EDA: variants seen among roughly 807,000 people sequenced by gnomAD.
The protein encoded by EDA is ectodysplasin A.
In EDA, 2 loss-of-function variants were observed where a neutral mutation model predicts 23.6. The observed-to-expected ratio is 0.08, with a 90% CI of 0.03 to 0.27. The LOEUF (loss-of-function observed/expected upper bound fraction) is 0.27, where lower values mean the gene tolerates loss of function less well. Among genes scored for constraint, EDA ranks in the 10% least tolerant of loss-of-function variants. The pLI is 1.00. For missense variants in EDA, 229 were observed against 324.2 expected, an observed-to-expected ratio of 0.71 and a Z score of 2.26; for synonymous variants, 131 against 132.0, an observed-to-expected ratio of 0.99 and a Z score of 0.05.
At chrX:69,846,933 T>G (rs2147569806) in intron 1 of EDA, among the ~76,000 whole-genome samples, 1 of 111,635 alleles carries the variant, frequency 9.0e-6, no homozygotes, top group African/African-American at 3.2e-5. Context: ...CTAATAAACC[T>G]TACTGCAAAA....
intron 1 of EDA, among the ~76,000 whole-genome samples, chrX:69,738,803 T>A (rs1373185217): frequency 9.1e-6 from 1 of 110,126 alleles, no homozygotes; most frequent in African/African-American, 3.3e-5. Flanking sequence ...TTTCCCAACT[T>A]TATTTCTGTT....
intron 1 of EDA, among the ~76,000 whole-genome samples, chrX:69,888,471 A>G (rs1312382273): frequency 9.2e-6 from 1 of 108,896 alleles, no homozygotes; most frequent in Middle Eastern, 4.7e-3. Context: ...ATGTATAGGG[A>G]TTAAAGTCTC....
intron 1 of EDA, among the ~76,000 whole-genome samples, chrX:69,792,667 C>T (rs1376174821): frequency 8.9e-6 from 1 of 112,258 alleles, no homozygotes; most frequent in Non-Finnish European, 1.9e-5. Flanking sequence ...GCCATTTTTG[C>T]AGGAGTAAGG....
chrX:69,960,067 A>C (rs1446988235), intron 2 of EDA, among the ~76,000 whole-genome samples: 1 of 111,482 alleles, frequency 9.0e-6, no homozygotes, highest in African/African-American at 3.3e-5. Flanking sequence ...CCACTGGAGG[A>C]TTTTGAGCAG....
chrX:69,912,758 C>A (rs865799395), intron 1 of EDA, among the ~76,000 whole-genome samples: 2 of 85,230 alleles, frequency 2.3e-5, no homozygotes, highest in Admixed American at 1.6e-4. Context: ...TAACATAATT[C>A]TTTTTCTTTT....
chrX:69,878,750 C>A (rs1392909052), intron 1 of EDA, among the ~76,000 whole-genome samples: 1 of 101,653 alleles, frequency 9.8e-6, no homozygotes, highest in Non-Finnish European at 2.0e-5. Flanking sequence ...ACACACACAC[C>A]GCAAAGAAAC....
intron 1 of EDA, among the ~76,000 whole-genome samples, chrX:69,695,215 C>T (rs1310095467): frequency 9.1e-6 from 1 of 109,452 alleles, no homozygotes; most frequent in Non-Finnish European, 1.9e-5. Context: ...AGCTACTCGG[C>T]AGGCTGAGGC....
At chrX:69,948,555 A>G (rs1833430185) in intron 1 of EDA, among the ~76,000 whole-genome samples, 1 of 111,925 alleles carries the variant, frequency 8.9e-6, no homozygotes, top group Admixed American at 9.5e-5. Context: ...GCTATGATCA[A>G]TGTTGAATGT....
At chrX:69,857,571 C>G (rs1226764219) in intron 1 of EDA, among the ~76,000 whole-genome samples, 1 of 102,088 alleles carries the variant, frequency 9.8e-6, no homozygotes, top group Non-Finnish European at 2.0e-5. Context: ...ATTGTTTTTT[C>G]TCGTTCTGTG....
At chrX:69,872,014 T>G (rs750688316) in intron 1 of EDA, among the ~76,000 whole-genome samples, 5 of 111,514 alleles carry the variant, frequency 4.5e-5, no homozygotes, top group Non-Finnish European at 9.4e-5. Flanking sequence ...TCAGGAAACT[T>G]ATAAAGGAAA....
chrX:69,945,521 G>A (rs1333588444), intron 1 of EDA, among the ~76,000 whole-genome samples: 2 of 112,189 alleles, frequency 1.8e-5, no homozygotes, highest in Non-Finnish European at 3.8e-5. Context: ...AAAGAGATTA[G>A]TATAAAGCAT....
intron 1 of EDA, among the ~76,000 whole-genome samples, chrX:69,677,515 G>A (rs1468879613): frequency 9.0e-6 from 1 of 111,115 alleles, no homozygotes; most frequent in Non-Finnish European, 1.9e-5. Flanking sequence ...TTTAATGATC[G>A]CCATTCTAAC....
intron 1 of EDA, among the ~76,000 whole-genome samples, chrX:69,922,045 G>A (rs373270407): frequency 2.7e-5 from 3 of 111,809 alleles, no homozygotes; most frequent in East Asian, 5.6e-4. Context: ...TGCATAAATA[G>A]GATAGTGAAG....
At chrX:69,932,044 G>A (rs2018605646) in intron 1 of EDA, among the ~76,000 whole-genome samples, 2 of 111,954 alleles carry the variant, frequency 1.8e-5, no homozygotes, top group African/African-American at 3.2e-5. Context: ...ATATTATAAC[G>A]TTAGAATCTC....
chrX:69,923,945 T>C (rs1312880109), intron 1 of EDA, among the ~76,000 whole-genome samples: 3 of 112,144 alleles, frequency 2.7e-5, no homozygotes, highest in Non-Finnish European at 5.6e-5. Context: ...TTTTTTCATA[T>C]GTTTGTTGGC....
At chrX:69,788,850 C>T (rs1242432801) in intron 1 of EDA, among the ~76,000 whole-genome samples, 16 of 113,226 alleles carry the variant, frequency 1.4e-4, no homozygotes, top group Admixed American at 7.4e-4. Context: ...GCTTTGTTTA[C>T]CTAAGCAAGC....
At chrX:69,728,967 A>G (rs1050932314) in intron 1 of EDA, among the ~76,000 whole-genome samples, 1 of 111,743 alleles carries the variant, frequency 8.9e-6, no homozygotes, top group African/African-American at 3.3e-5. Context: ...GGTCAAATAC[A>G]GAGTATCTCA....
chrX:69,762,481 T>G (rs2014338860), intron 1 of EDA, among the ~76,000 whole-genome samples: 1 of 111,948 alleles, frequency 8.9e-6, no homozygotes, highest in Non-Finnish European at 1.9e-5. Flanking sequence ...TAGGAAGCAC[T>G]GAACTCCTCA....
At chrX:69,878,715 GACACACACACACAC>G (rs61027280) in intron 1 of EDA, among the ~76,000 whole-genome samples, 15 of 99,121 alleles carry the variant, frequency 1.5e-4, no homozygotes, top group Admixed American at 3.3e-4. Flanking sequence ...CCTTCACCAA[GACACACACACACAC>G]ACACACACAC....
Sources: allele counts gnomAD v4.1 joint callset (sites outside exome capture counted in the v4.1 genomes callset), GRCh38; gene constraint gnomAD v4.1.1; transcripts MANE v1.5; gene names NCBI Gene and HGNC (gene_info 2026-07-23, HGNC 2026-07-21).